Variants in HOOK3 observed in about 807,000 individuals in gnomAD.
HOOK3 encodes the protein hook microtubule tethering protein 3.
A neutral mutation model predicts 116.3 loss-of-function variants in HOOK3; 24 were observed. The ratio of observed to expected loss-of-function variants is 0.21; its 90% CI spans 0.15 to 0.29. The LOEUF (loss-of-function observed/expected upper bound fraction) is 0.29, where lower values mean the gene tolerates loss of function less well. Ranked by LOEUF, HOOK3 falls within the 10% of genes least tolerant of loss-of-function variation. The pLI is 1.00. For synonymous variants in HOOK3, 275 were observed against 283.0 expected (o/e 0.97, Z 0.28); for missense variants, 632 against 830.2 (o/e 0.76, Z 2.93).
chr8:42,934,441 G>C (rs1279430669), intron 4 of HOOK3, among the ~76,000 whole-genome samples: 1 of 151,788 alleles, frequency 6.6e-6, no homozygotes, highest in Non-Finnish European at 1.5e-5. Context: ...TGTGCAGAAC[G>C]TGCAGGTTTG....
chr8:42,976,144 T>C (rs939191939), intron 13 of HOOK3, among the ~76,000 whole-genome samples: 1 of 152,016 alleles, frequency 6.6e-6, no homozygotes, highest in Non-Finnish European at 1.5e-5. Flanking sequence ...GTAAATTGCT[T>C]TGGGCAGACA....
intron 14 of HOOK3, among the ~76,000 whole-genome samples, chr8:42,984,978 T>A (rs1478882031): frequency 6.6e-6 from 1 of 151,966 alleles, no homozygotes; most frequent in Non-Finnish European, 1.5e-5. Flanking sequence ...TAAAATATGC[T>A]CTGTGTCCAG....
At chr8:42,985,201 GA>G (rs1388453486) in intron 14 of HOOK3, among the ~76,000 whole-genome samples, 1 of 152,080 alleles carries the variant, frequency 6.6e-6, no homozygotes, top group African/African-American at 2.4e-5. Context: ...CCTATCTTTT[GA>G]TCCAAAAATT....
chr8:42,939,598 G>A (rs1163793420), intron 4 of HOOK3, among the ~76,000 whole-genome samples: 31 of 144,022 alleles, frequency 2.2e-4, no homozygotes, highest in African/African-American at 3.9e-4. Context: ...CCTCCCGGAC[G>A]GGCTGGCTGG....
At chr8:43,003,177 A>G (rs987798049) in intron 17 of HOOK3, among the ~76,000 whole-genome samples, 1 of 152,184 alleles carries the variant, frequency 6.6e-6, no homozygotes, top group South Asian at 2.1e-4. Flanking sequence ...GCTAAACCAG[A>G]CATCCTCAGT....
At position 43,028,381 on chromosome 8, in the gene HOOK3, G is replaced by A. The variant is rs145555856; in HGVS notation, c.*9883G>A. ...CTAAAAAAAAATAATATAAATTGATGTTATATAGTTAACATTTATCAGGCA... is the reference window on the plus strand; with the variant it reads ...CTAAAAAAAAATAATATAAATTGATATTATATAGTTAACATTTATCAGGCA... On this transcript the variant is annotated 3_prime_UTR_variant, in exon 22 of 22. Transcript: ENST00000307602. 239 of 182,708 alleles carry A rather than the reference G, an allele frequency of 1.3e-3. 5 individuals carry two copies. The East Asian group carries it at 0.021, about 16-fold the overall frequency. 11.3% of individuals were successfully genotyped at this position (182,708 alleles called of 1,614,324 possible).
At chr8:42,911,315 G>T (rs1012660472) in intron 2 of HOOK3, among the ~76,000 whole-genome samples, 4 of 152,176 alleles carry the variant, frequency 2.6e-5, no homozygotes, top group African/African-American at 9.7e-5. Context: ...GCCAGGCATG[G>T]TGGCGCATGC....
chr8:42,974,256 C>CTCTT (rs1563304872), intron 13 of HOOK3, 62 bp downstream of exon 13: 3 of 1,216,212 alleles, frequency 2.5e-6, no homozygotes, highest in Admixed American at 1.7e-5. Context: ...GGGAGTTTCA[C>CTCTT]TCTTATTGCC....
intron 14 of HOOK3, among the ~76,000 whole-genome samples, chr8:42,985,244 C>G (rs1809028092): frequency 6.6e-6 from 1 of 151,944 alleles, no homozygotes; most frequent in African/African-American, 2.4e-5. Flanking sequence ...TAAGGAAAAC[C>G]AAGGATATAC....
At chr8:42,951,171 C>T (rs546850182) in intron 6 of HOOK3, among the ~76,000 whole-genome samples, 4 of 152,286 alleles carry the variant, frequency 2.6e-5, no homozygotes, top group African/African-American at 9.6e-5. Context: ...AGCAATTCTC[C>T]TGTCTCAGCC....
At chr8:42,984,244 G>C (rs143946398) in intron 14 of HOOK3, among the ~76,000 whole-genome samples, 100 of 151,870 alleles carry the variant, frequency 6.6e-4, no homozygotes, top group African/African-American at 2.3e-3. Flanking sequence ...GATGCATGCC[G>C]GTAATCCCAG....
At chr8:42,984,404 G>GT (rs1809011120) in intron 14 of HOOK3, among the ~76,000 whole-genome samples, 1 of 151,746 alleles carries the variant, frequency 6.6e-6, no homozygotes, top group Non-Finnish European at 1.5e-5. Flanking sequence ...AACAAAAGGC[G>GT]TGTTAAGGCA....
intron 13 of HOOK3, among the ~76,000 whole-genome samples, chr8:42,975,239 TAAG>T (rs1435630072): frequency 1.3e-5 from 2 of 152,270 alleles, no homozygotes; most frequent in East Asian, 3.9e-4. Context: ...TGTGTTCCCT[TAAG>T]GAGGATTCTG....
intron 4 of HOOK3, among the ~76,000 whole-genome samples, chr8:42,939,772 A>G (rs1388568855): frequency 7.5e-5 from 10 of 133,234 alleles, no homozygotes; most frequent in South Asian, 5.4e-4. Context: ...CAGATGGGGC[A>G]GCTGCCGGGC....
rs192910007 is a variant in HOOK3 at position 43,021,321 on chromosome 8, C to G, written c.*2823C>G. 1 of 188,716 alleles carries G rather than the reference C, an allele frequency of 5.3e-6. No homozygotes were observed. The highest frequency in any genetic ancestry group is 1.1e-5 in the Non-Finnish European group (1 of 89,936). 11.7% of individuals were successfully genotyped at this position (188,716 alleles called of 1,614,324 possible). On this transcript the variant is annotated 3_prime_UTR_variant, in exon 22 of 22. Coordinates refer to ENST00000307602, the MANE Select transcript of HOOK3 (RefSeq NM_032410.4). ...TTTACTTCTGACTTTTTTTTCCCCC[C>G]GAGACGGAGCCTCGTTCCGTCACCC... is the stretch of plus-strand genomic sequence containing the variant.
At chr8:42,944,613 G>GT (rs1443435126) in intron 5 of HOOK3, among the ~76,000 whole-genome samples, 1 of 152,136 alleles carries the variant, frequency 6.6e-6, no homozygotes, top group African/African-American at 2.4e-5. Context: ...AAAGTCAGGA[G>GT]TTTGAGACCA....
At chr8:42,985,724 G>A (rs1421607933) in intron 14 of HOOK3, among the ~76,000 whole-genome samples, 1 of 149,970 alleles carries the variant, frequency 6.7e-6, no homozygotes, top group African/African-American at 2.5e-5. Context: ...CAGCCTGGGT[G>A]ACAGAGACCC....
rs1262913608 is a variant in HOOK3, at chr8:43,029,720, A to C, written c.*11222A>C. 5.1e-6 allele frequency: 1 copy of C among 197,958 alleles called. No homozygotes were observed. Among genetic ancestry groups the C allele is most frequent in the Non-Finnish European group, 1.0e-5 (1 of 95,736 alleles). 12.3% of individuals were successfully genotyped at this position (197,958 alleles called of 1,614,324 possible). A position where few individuals can be genotyped will look rare whatever the true frequency, so the allele number is the denominator to read the frequency against. On this transcript the variant is annotated 3_prime_UTR_variant, in exon 22 of 22. Coordinates refer to ENST00000307602, the MANE Select transcript of HOOK3 (RefSeq NM_032410.4). ...TAGTTTGATTAATAAATTATATCAA[A>C]AAACTTGGGGATAGAAAGAGGCTTT...
chr8:42,938,697 C>CA (rs1808026089), intron 4 of HOOK3, among the ~76,000 whole-genome samples: 1 of 142,504 alleles, frequency 7.0e-6, no homozygotes, highest in African/African-American at 2.8e-5. Context: ...AAATGCTTTT[C>CA]TTTTATTTAT....
Sources: allele counts gnomAD v4.1 joint callset (sites outside exome capture counted in the v4.1 genomes callset), GRCh38; gene constraint gnomAD v4.1.1; transcripts MANE v1.5; gene names NCBI Gene and HGNC (gene_info 2026-07-23, HGNC 2026-07-21).